Variants in NINL observed in about 807,000 individuals in gnomAD.
NINL encodes the protein ninein like, also known as ninein-like protein.
In NINL, 153 loss-of-function variants were observed where a neutral mutation model predicts 160.3. That is an observed-to-expected ratio of 0.95 (90% CI 0.84 to 1.09). The LOEUF (loss-of-function observed/expected upper bound fraction) is 1.09. Ranked by LOEUF, NINL falls within the 50% of genes least tolerant of loss-of-function variation. The probability of loss-of-function intolerance (pLI) is 0.00; values close to 1 mark genes in which losing one functional copy is unlikely to be tolerated. For missense variants in NINL, 1,829 were observed against 1,764.0 expected (o/e 1.04, Z -0.66); for synonymous variants, 800 against 734.8 (o/e 1.09, Z -1.43).
chr20:25,543,380 A>C (rs2064693492), intron 1 of NINL, among the ~76,000 whole-genome samples: 1 of 152,112 alleles, frequency 6.6e-6, no homozygotes, highest in South Asian at 2.1e-4. Flanking sequence ...GCAAAACCCC[A>C]TTTCCACAAA....
At chr20:25,546,459 C>G (rs528605686) in intron 1 of NINL, among the ~76,000 whole-genome samples, 1 of 152,062 alleles carries the variant, frequency 6.6e-6, no homozygotes, top group Non-Finnish European at 1.5e-5. Flanking sequence ...CAAAAAAGAT[C>G]TAGAATAAAA....
At chr20:25,561,306 C>A (rs924520004) in intron 1 of NINL, among the ~76,000 whole-genome samples, 1 of 152,170 alleles carries the variant, frequency 6.6e-6, no homozygotes, top group Non-Finnish European at 1.5e-5. Context: ...CCCGAGGTGC[C>A]GGGATTGCAG....
At chr20:25,561,533 AG>A in intron 1 of NINL, among the ~76,000 whole-genome samples, 2 of 130,386 alleles carry the variant, frequency 1.5e-5, no homozygotes, top group African/African-American at 3.0e-5. Flanking sequence ...CTGGCTGCCC[AG>A]TCTGGAAAGT....
intron 13 of NINL, among the ~76,000 whole-genome samples, chr20:25,485,043 C>A (rs144020774): frequency 4.6e-5 from 7 of 152,084 alleles, no homozygotes; most frequent in African/African-American, 1.7e-4. Context: ...ACACACAAAA[C>A]GGGAACGTTG....
At position 25,455,538 on chromosome 20, in the gene NINL, G is replaced by A. The variant is rs535047646; in HGVS notation, c.3957+135C>T. On this transcript the variant is annotated intron_variant, in intron 23 of 23. Transcript: ENST00000278886. ...AAATAAATGAATGTGCACCTGCAGT[G>A]TAGGGTATACATTTAGTTCCCTGGA... 131 of 672,146 alleles carry A rather than the reference G, an allele frequency of 1.9e-4. 1 individual carries two copies. The highest frequency in any genetic ancestry group is 7.4e-4 in the Admixed American group (30 of 40,382). The allele number at this position is 672,146 out of a possible 1,614,324, so 41.6% of individuals were successfully genotyped here.
intron 1 of NINL, among the ~76,000 whole-genome samples, chr20:25,549,892 C>G (rs2064785837): frequency 6.6e-6 from 1 of 152,142 alleles, no homozygotes; most frequent in Admixed American, 6.5e-5. Flanking sequence ...TCTAGCTAAA[C>G]CTGCCATACA....
intron 16 of NINL, among the ~76,000 whole-genome samples, chr20:25,477,481 G>C (rs1008258396): frequency 6.6e-6 from 1 of 152,232 alleles, no homozygotes; most frequent in Non-Finnish European, 1.5e-5. Context: ...GGTTCTACAC[G>C]ATAGCGCTGG....
chr20:25,505,167 C>G, intron 5 of NINL, 89 bp from the exon 6 acceptor site: 1 of 1,239,038 alleles, frequency 8.1e-7, no homozygotes, highest in Non-Finnish European at 1.1e-6. Context: ...TCTGCCCTTT[C>G]CAACAGCGTG....
In NINL at chr20:25,453,462, G is replaced by C; in HGVS notation, c.4138C>G (p.Leu1380Val). The change falls in exon 24 of 24, where the codon CTC (leucine) becomes GTC (valine). Residue 1380 changes from leucine (L) to valine (V), a missense_variant. By Grantham distance (32) the Leu-to-Val change is conservative (BLOSUM62 1). Transcript: ENST00000278886. ...AAAATAATCTGTCTTTACACAGAGA[G>C]GGCTGCGGGGGCAATCCTACTGACG... is the stretch of plus-strand genomic sequence containing the variant. ...KLVSRIAPAA[L>V]SV The C allele has an allele frequency of 1.9e-6, 3 of 1,608,914 alleles. No individual in the cohort carries two copies. Among genetic ancestry groups the C allele is most frequent in the Non-Finnish European group, 2.5e-6 (3 of 1,177,544 alleles).
chr20:25,467,207 C>T (rs2062935210), intron 19 of NINL, among the ~76,000 whole-genome samples, 182 bp downstream of exon 19: 1 of 152,242 alleles, frequency 6.6e-6, no homozygotes, highest in Non-Finnish European at 1.5e-5. Flanking sequence ...TTGACTGGGG[C>T]AGGGGTCTTC....
At chr20:25,577,286 TC>T (rs937879129) in intron 1 of NINL, among the ~76,000 whole-genome samples, 1 of 152,130 alleles carries the variant, frequency 6.6e-6, no homozygotes, top group African/African-American at 2.4e-5. Context: ...GAGACACGCG[TC>T]CCCAAGTCTG....
Position 25,476,893 on chromosome 20 carries a change from C to A in NINL, c.2398G>T (p.Val800Leu), listed in dbSNP as rs748754072. 1.9e-6 allele frequency: 3 copies of A among 1,613,320 alleles called. No homozygotes were observed. The highest frequency in any genetic ancestry group is 1.1e-5 in the South Asian group (1 of 91,052). ...CASEKRAQMC[V>L]SLALEEEELE... ...TCCTCCTCCTCGAGGGCCAACGATA[C>A]GCACATCTGGGCGCGCTTCTCGCTC... Residue 800 changes from valine to leucine, a missense_variant, in exon 17 of 24, where the codon GTA becomes TTA. Coordinates refer to ENST00000278886, the MANE Select transcript of NINL (RefSeq NM_025176.6).
rs756508827 is a variant in NINL, at chr20:25,504,078, C to T, written c.735G>A (p.Leu245=). The change falls in exon 7 of 24, where the codon CTG becomes CTA. Residue 245 remains leucine (L), a synonymous_variant. Coordinates refer to ENST00000278886, the MANE Select transcript of NINL (RefSeq NM_025176.6). ...TCACTTTGCCGTCTCCGTCTTGATC[C>T]AGTTTGTTAAACAGGTCTTCGAGTT... ...KEELEDLFNK[L]DQDGDGKVSL... The T allele has an allele frequency of 5.6e-6, 9 of 1,593,694 alleles. No homozygotes were observed. Among genetic ancestry groups the T allele is most frequent in the Non-Finnish European group, 7.7e-6 (9 of 1,171,234 alleles).
chr20:25,561,216 T>G (rs2064932993), intron 1 of NINL, among the ~76,000 whole-genome samples: 1 of 152,172 alleles, frequency 6.6e-6, no homozygotes, highest in Admixed American at 6.5e-5. Flanking sequence ...TTCCTATTTT[T>G]TTGGTGGAGA....
chr20:25,577,694 T>G (rs2065130755), intron 1 of NINL, among the ~76,000 whole-genome samples: 1 of 152,182 alleles, frequency 6.6e-6, no homozygotes, highest in Admixed American at 6.5e-5. Context: ...AGGTCCTCTT[T>G]GTGAATAGAG....
chr20:25,502,546 G>A (rs1039583800), intron 7 of NINL, among the ~76,000 whole-genome samples: 2 of 152,178 alleles, frequency 1.3e-5, no homozygotes, highest in African/African-American at 4.8e-5. Flanking sequence ...AACTGATATG[G>A]CTTAGATCTG....
intron 3 of NINL, among the ~76,000 whole-genome samples, chr20:25,514,142 A>G (rs2064122188): frequency 6.6e-6 from 1 of 152,206 alleles, no homozygotes; most frequent in Admixed American, 6.5e-5. Flanking sequence ...CAAAATGCTA[A>G]TAGTGATATG....
At chr20:25,510,989 G>A (rs750194831) in intron 4 of NINL, among the ~76,000 whole-genome samples, 8 of 152,162 alleles carry the variant, frequency 5.3e-5, no homozygotes, top group Non-Finnish European at 1.2e-4. Context: ...TGTTCTGCAC[G>A]CTCGGGGCTC....
Position 25,513,089 on chromosome 20 carries a change from G to A in NINL, c.278-83C>T. 5.7e-6 allele frequency: 8 copies of A among 1,407,214 alleles called. No individual in the cohort carries two copies. The South Asian group carries it at 8.2e-5, about 14-fold the overall frequency. 87.2% of individuals were successfully genotyped at this position (1,407,214 alleles called of 1,614,324 possible). A position where few individuals can be genotyped will look rare whatever the true frequency, so the allele number is the denominator to read the frequency against. On this transcript the variant is annotated intron_variant, in intron 3 of 23. Transcript: ENST00000278886. Reference sequence around the variant, plus strand: ...AGGCCAGCAGGTACCCTCTGAGAAGGTGCACACTCAGCACCGAGTGTGCCC... The same window carrying A: ...AGGCCAGCAGGTACCCTCTGAGAAGATGCACACTCAGCACCGAGTGTGCCC...
Sources: allele counts gnomAD v4.1 joint callset (sites outside exome capture counted in the v4.1 genomes callset), GRCh38; gene constraint gnomAD v4.1.1; transcripts MANE v1.5; gene names NCBI Gene and HGNC (gene_info 2026-07-23, HGNC 2026-07-21).